MYH11: variants seen among roughly 807,000 people sequenced by gnomAD.
The protein encoded by MYH11 is myosin-11.
A neutral mutation model predicts 246.6 loss-of-function variants in MYH11; 80 were observed. That is an observed-to-expected ratio of 0.32 (90% CI 0.27 to 0.39). MYH11 has a LOEUF of 0.39. MYH11 is among the 10% of genes least tolerant of loss of function. The probability of loss-of-function intolerance (pLI) is 1.00; values close to 1 mark genes in which losing one functional copy is unlikely to be tolerated. For synonymous variants in MYH11, 1,071 were observed against 1,015.5 expected (o/e 1.05, Z -1.04); for missense variants, 2,158 against 2,546.8 (o/e 0.85, Z 3.29).
intron 1 of MYH11, among the ~76,000 whole-genome samples, chr16:15,853,482 G>A (rs1415925159): frequency 1.3e-5 from 2 of 152,056 alleles, no homozygotes; most frequent in African/African-American, 4.8e-5. Flanking sequence ...ACTTTGATGA[G>A]GTTGTTCCTC....
chr16:15,784,849 C>T (rs1219455300), intron 5 of MYH11: 1 of 935,978 alleles, frequency 1.1e-6, no homozygotes, highest in East Asian at 2.6e-5. Context: ...TGGTCAGCTC[C>T]TTTTCCTTGA....
chr16:15,799,239 C>A (rs2151323105), intron 3 of MYH11, among the ~76,000 whole-genome samples: 1 of 152,266 alleles, frequency 6.6e-6, no homozygotes, highest in East Asian at 1.9e-4. Flanking sequence ...CTTAGTGGGA[C>A]TGCCTCATAA....
intron 1 of MYH11, among the ~76,000 whole-genome samples, chr16:15,838,640 A>G (rs1347530093): frequency 6.6e-6 from 1 of 152,100 alleles, no homozygotes; most frequent in Non-Finnish European, 1.5e-5. Flanking sequence ...TGGGCAAATC[A>G]CTTGAGGCCA....
chr16:15,780,273 G>C (rs533933775), intron 6 of MYH11, among the ~76,000 whole-genome samples: 34 of 100,556 alleles, frequency 3.4e-4, no homozygotes, highest in African/African-American at 5.0e-4. Flanking sequence ...TCACATGTTG[G>C]GGGGGGGCCG....
chr16:15,706,355 T>C (rs2039454838), intron 40 of MYH11, among the ~76,000 whole-genome samples: 1 of 152,140 alleles, frequency 6.6e-6, no homozygotes, highest in Admixed American at 6.5e-5. Flanking sequence ...AGTTTGACTG[T>C]TCCCTGTACG....
At chr16:15,739,426 C>T (rs111459345) in intron 23 of MYH11, among the ~76,000 whole-genome samples, 240 of 152,022 alleles carry the variant, frequency 1.6e-3, no homozygotes, top group African/African-American at 4.5e-3. Flanking sequence ...ATATGGTGAA[C>T]GTTTCCTTCA....
intron 1 of MYH11, among the ~76,000 whole-genome samples, chr16:15,839,975 T>C (rs8045044): frequency 0.036 from 5,396 of 151,924 alleles, 338 homozygotes; most frequent in African/African-American, 0.12. Context: ...CACTTGAACC[T>C]GGGAGGCAGA....
Position 15,717,310 on chromosome 16 carries a change from G to A in MYH11, c.5334C>T (p.Ser1778=). The change falls in exon 38 of 41, where the codon AGC becomes AGT. Residue 1778 remains serine, a synonymous_variant. Transcript: ENST00000300036. ...GGGCACTCTCATTCTTCTGGGCCGTGCTGCGCTCTGTGGCCAGCTCGTTGC... is the reference window on the plus strand; with the variant it reads ...GGGCACTCTCATTCTTCTGGGCCGTACTGCGCTCTGTGGCCAGCTCGTTGC... The part of the protein sequence containing the change: ...QLSNELATER[S]TAQKNESARQ... The A allele has an allele frequency of 6.2e-7, 1 of 1,611,700 alleles. No individual in the cohort carries two copies. Among genetic ancestry groups the A allele is most frequent in the Non-Finnish European group, 8.5e-7 (1 of 1,180,018 alleles).
intron 16 of MYH11, among the ~76,000 whole-genome samples, chr16:15,748,898 C>T (rs1207896128): frequency 6.6e-6 from 1 of 152,094 alleles, no homozygotes; most frequent in Non-Finnish European, 1.5e-5. Context: ...GGATTATAGG[C>T]ATGAGCTAGC....
intron 2 of MYH11, among the ~76,000 whole-genome samples, chr16:15,833,539 A>G (rs2043811017): frequency 6.6e-6 from 1 of 152,136 alleles, no homozygotes; most frequent in Admixed American, 6.6e-5. Context: ...AACGGTCTTC[A>G]GCAGTTTAGG....
intron 3 of MYH11, among the ~76,000 whole-genome samples, chr16:15,816,043 C>T (rs939418609): frequency 6.6e-6 from 1 of 152,168 alleles, no homozygotes; most frequent in East Asian, 1.9e-4. Context: ...AAGCATCAAG[C>T]CTCTCAGATA....
chr16:15,765,421 A>G (rs2041960765), intron 9 of MYH11, among the ~76,000 whole-genome samples: 1 of 151,824 alleles, frequency 6.6e-6, no homozygotes, highest in African/African-American at 2.4e-5. Flanking sequence ...AGGAATGGAT[A>G]CAGCATTGAT....
intron 27 of MYH11, among the ~76,000 whole-genome samples, chr16:15,730,763 G>A (rs564980673): frequency 5.3e-5 from 8 of 152,216 alleles, no homozygotes; most frequent in Admixed American, 2.6e-4. Context: ...CAATCTGGCC[G>A]AAGGTCGCAA....
intron 9 of MYH11, among the ~76,000 whole-genome samples, chr16:15,766,344 GGTGTGTGT>G (rs3073439): frequency 0.044 from 6,083 of 136,736 alleles, 173 homozygotes; most frequent in East Asian, 0.15. Flanking sequence ...CATGTTTTTT[GGTGTGTGT>G]GTGTGTGTGT....
rs374769912 is a variant in MYH11, at chr16:15,756,482, G to A, written c.1608C>T (p.Asp536=). ...TGGCTTTGGGGAACCAGCATTCCTC[G>A]TCCAGCAGGGCCAGCACACCTGGAG... ...NNPPGVLALL[D]EECWFPKATD... Residue 536 remains aspartate, a synonymous_variant, in exon 14 of 41, where the codon GAC becomes GAT. Transcript: ENST00000300036. 6.7e-5 allele frequency: 108 copies of A among 1,614,036 alleles called. No individual in the cohort carries two copies. Among genetic ancestry groups the A allele is most frequent in the Non-Finnish European group, 8.0e-5 (94 of 1,180,044 alleles).
In MYH11 at chr16:15,726,888, C is replaced by G; in HGVS notation, c.3818G>C (p.Arg1273Pro). 6.2e-7 allele frequency: 1 copy of G among 1,612,364 alleles called. No homozygotes were observed. The highest frequency in any genetic ancestry group is 8.5e-7 in the Non-Finnish European group (1 of 1,180,008). ...ELQSKCSDGERARAELNDKVH... is the reference protein window; with the variant it reads ...ELQSKCSDGEPARAELNDKVH... ...TTTGTCATTGAGCTCCGCCCGGGCC[C>G]GCTCCCCATCGCTGCACTTGGACTG... Residue 1273 changes from arginine (R) to proline (P), a missense_variant, in exon 28 of 41, where the codon CGG becomes CCG. By Grantham distance (103) the Arg-to-Pro change is moderately radical. Around this residue, in one of 11 missense-constraint regions of MYH11, gnomAD observed 1,013 missense variants for 993.5 expected, o/e 1.02. Transcript: ENST00000300036.
At chr16:15,714,836 G>GA (rs2040026900) in intron 40 of MYH11, 73 bp downstream of exon 40, 2 of 1,586,648 alleles carry the variant, frequency 1.3e-6, no homozygotes, top group Non-Finnish European at 8.6e-7. Context: ...TTTGCAGGCC[G>GA]AAAGGAGCCC....
chr16:15,797,378 G>A (rs2042765129), intron 4 of MYH11, among the ~76,000 whole-genome samples: 1 of 151,874 alleles, frequency 6.6e-6, no homozygotes, highest in Non-Finnish European at 1.5e-5. Flanking sequence ...GCATATGCTG[G>A]TTTGCCCCTG....
At chr16:15,802,491 C>T (rs1245978770) in intron 3 of MYH11, among the ~76,000 whole-genome samples, 1 of 152,228 alleles carries the variant, frequency 6.6e-6, no homozygotes, top group East Asian at 1.9e-4. Context: ...CTTTGTCGCC[C>T]AGGTGGGTGT....
Sources: allele counts gnomAD v4.1 joint callset (sites outside exome capture counted in the v4.1 genomes callset), GRCh38; gene constraint gnomAD v4.1.1; regional missense constraint gnomAD v4.1.1; transcripts MANE v1.5; gene names NCBI Gene and HGNC (gene_info 2026-07-23, HGNC 2026-07-21).